The following COL21A1 variants were observed in gnomAD, a reference collection of about 807,000 sequenced individuals.
COL21A1 encodes collagen alpha-1(XXI) chain.
COL21A1 carries 149 observed loss-of-function variants against 137.9 expected under a neutral mutation model. The observed-to-expected ratio is 1.08, with a 90% confidence interval of 0.95 to 1.24. COL21A1 has a LOEUF of 1.24. COL21A1 is among the 50% of genes most tolerant of loss of function. The pLI, the probability that COL21A1 is intolerant of heterozygous loss-of-function variation, is 0.00. For synonymous variants in COL21A1, 456 were observed against 391.5 expected, an observed-to-expected ratio of 1.16 and a Z score of -1.95; for missense variants, 1,167 against 1,158.4, an observed-to-expected ratio of 1.01 and a Z score of -0.11.
At chr6:56,066,296 G>T (rs1389197754) in intron 23 of COL21A1, among the ~76,000 whole-genome samples, 2 of 152,082 alleles carry the variant, frequency 1.3e-5, no homozygotes, top group African/African-American at 2.4e-5. Context: ...TCTTATGTAT[G>T]TTATGAAGAA....
At chr6:56,353,565 G>A (rs759387459) in intron 1 of COL21A1, among the ~76,000 whole-genome samples, 4 of 152,140 alleles carry the variant, frequency 2.6e-5, no homozygotes, top group Non-Finnish European at 2.9e-5. Flanking sequence ...GGCATCATGC[G>A]AGATAATAAA....
intron 16 of COL21A1, among the ~76,000 whole-genome samples, chr6:56,110,109 G>A (rs964713660): frequency 7.9e-5 from 12 of 152,006 alleles, no homozygotes; most frequent in African/African-American, 2.9e-4. Flanking sequence ...ATTGAATCCA[G>A]TAATGTATAA....
chr6:56,226,557 A>G (rs1781207511), intron 1 of COL21A1, among the ~76,000 whole-genome samples: 1 of 152,042 alleles, frequency 6.6e-6, no homozygotes, highest in Admixed American at 6.6e-5. Flanking sequence ...TGAAAATATA[A>G]ACCACACACC....
chr6:56,276,801 T>A lies in COL21A1; in HGVS notation c.-38-94145A>T, dbSNP rs192181591. The stretch of plus-strand genomic sequence containing the variant: ...TTCTGGTTGTTCAGTGAGTTGTGTT[T>A]TTTTTGTTTTTTTTGTTTTTTTTTT... On this transcript the variant is annotated intron_variant, in intron 1 of 28. Transcript: ENST00000370819. The A allele has an allele frequency of 4.7e-4, 406 of 868,974 alleles. 1 individual carries two copies. The East Asian group carries it at 0.011, about 23-fold the overall frequency. The allele number at this position is 868,974 out of a possible 1,614,324, so 53.8% of individuals were successfully genotyped here. A position where few individuals can be genotyped will look rare whatever the true frequency, so the allele number is the denominator to read the frequency against.
chr6:56,329,571 G>T (rs562994456), intron 1 of COL21A1, among the ~76,000 whole-genome samples: 1 of 152,148 alleles, frequency 6.6e-6, no homozygotes, highest in African/African-American at 2.4e-5. Context: ...AAGATTGTTT[G>T]TCAGGAAATG....
chr6:56,116,147 T>C (rs1771898476), intron 16 of COL21A1, among the ~76,000 whole-genome samples: 4 of 152,002 alleles, frequency 2.6e-5, no homozygotes, highest in African/African-American at 9.7e-5. Context: ...TAGAGAAAGA[T>C]ATCAATATCC....
intron 22 of COL21A1, among the ~76,000 whole-genome samples, chr6:56,068,190 G>C (rs915816113): frequency 6.6e-6 from 1 of 151,482 alleles, no homozygotes; most frequent in Admixed American, 6.6e-5. Flanking sequence ...AGAACAAAAA[G>C]CCCAAGGATC....
At chr6:56,087,367 A>G (rs968327806) in intron 17 of COL21A1, among the ~76,000 whole-genome samples, 3 of 152,164 alleles carry the variant, frequency 2.0e-5, no homozygotes, top group Admixed American at 2.0e-4. Flanking sequence ...CCTCCTTATT[A>G]TACAATCTAG....
At chr6:56,123,575 C>A (rs16887575) in intron 16 of COL21A1, among the ~76,000 whole-genome samples, 3,533 of 152,238 alleles carry the variant, frequency 0.023, 74 homozygotes, top group East Asian at 0.056. Flanking sequence ...TAACTCCTAA[C>A]TTTAAGAATA....
chr6:56,105,468 T>C (rs1463951524), intron 16 of COL21A1, among the ~76,000 whole-genome samples: 1 of 152,238 alleles, frequency 6.6e-6, no homozygotes, highest in Non-Finnish European at 1.5e-5. Context: ...TTTGTCATTA[T>C]AATTTTGGCA....
At chr6:56,122,742 A>C (rs1260843565) in intron 16 of COL21A1, among the ~76,000 whole-genome samples, 1 of 152,232 alleles carries the variant, frequency 6.6e-6, no homozygotes, top group Non-Finnish European at 1.5e-5. Flanking sequence ...AGCTGTGTTC[A>C]AATCAGGAAA....
chr6:56,166,685 C>G (rs1047097083), intron 7 of COL21A1: 5 of 632,000 alleles, frequency 7.9e-6, no homozygotes, highest in Non-Finnish European at 1.1e-5. Flanking sequence ...AAAACATTCC[C>G]TTGTGGTCTT....
intron 1 of COL21A1, among the ~76,000 whole-genome samples, chr6:56,237,063 C>G (rs562861230): frequency 2.0e-5 from 3 of 151,974 alleles, no homozygotes; most frequent in African/African-American, 4.8e-5. Context: ...GCCTTTTTCT[C>G]CCTGTTTTTA....
chr6:56,102,762 G>A (rs1770567537), intron 16 of COL21A1, among the ~76,000 whole-genome samples: 1 of 152,056 alleles, frequency 6.6e-6, no homozygotes, highest in Non-Finnish European at 1.5e-5. Context: ...ATGAATTCCT[G>A]CATTTTATTA....
chr6:56,075,818 A>C (rs1370928391), intron 18 of COL21A1, among the ~76,000 whole-genome samples: 1 of 151,522 alleles, frequency 6.6e-6, no homozygotes, highest in Non-Finnish European at 1.5e-5. Context: ...AGAAATAAAA[A>C]TCAGGTGAAA....
intron 1 of COL21A1, among the ~76,000 whole-genome samples, chr6:56,297,689 G>A (rs1764193935): frequency 6.6e-6 from 1 of 152,078 alleles, no homozygotes; most frequent in South Asian, 2.1e-4. Context: ...AAACAAGCAT[G>A]TTTTACAATG....
intron 1 of COL21A1, among the ~76,000 whole-genome samples, chr6:56,228,608 A>G (rs1052951037): frequency 6.6e-6 from 1 of 151,218 alleles, no homozygotes; most frequent in African/African-American, 2.4e-5. Flanking sequence ...TTAATTTTCT[A>G]AAAAAGTATG....
chr6:56,139,080 T>C (rs1444076723), intron 12 of COL21A1, among the ~76,000 whole-genome samples: 1 of 151,902 alleles, frequency 6.6e-6, no homozygotes, highest in African/African-American at 2.4e-5. Flanking sequence ...AGGGTAGACA[T>C]AGTGGGAAGA....
intron 16 of COL21A1, among the ~76,000 whole-genome samples, chr6:56,119,523 C>T (rs1772263018): frequency 6.6e-6 from 1 of 152,006 alleles, no homozygotes; most frequent in South Asian, 2.1e-4. Flanking sequence ...TATCAAAATA[C>T]CAATGACATT....
Sources: allele counts gnomAD v4.1 joint callset (sites outside exome capture counted in the v4.1 genomes callset), GRCh38; gene constraint gnomAD v4.1.1; transcripts MANE v1.5; gene names NCBI Gene and HGNC (gene_info 2026-07-23, HGNC 2026-07-21).